The following SMARCD3 variants were observed in gnomAD, a reference collection of about 807,000 sequenced individuals.
SMARCD3 encodes the protein SWI/SNF related BAF chromatin remodeling complex subunit D3, also known as SWI/SNF-related matrix-associated actin-dependent regulator of chromatin subfamily D member 3.
SMARCD3 carries 14 observed loss-of-function variants against 58.0 expected under a neutral mutation model. That is an observed-to-expected ratio of 0.24 (90% CI 0.16 to 0.38). The LOEUF is 0.38. SMARCD3 is among the 10% of genes least tolerant of loss of function. The pLI, the probability that SMARCD3 is intolerant of heterozygous loss-of-function variation, is 1.00. For synonymous variants in SMARCD3, 253 were observed against 253.8 expected, an observed-to-expected ratio of 1.00 and a Z score of 0.03; for missense variants, 408 against 636.9, an observed-to-expected ratio of 0.64 and a Z score of 3.87.
intron 2 of SMARCD3, among the ~76,000 whole-genome samples, chr7:151,255,627 A>G (rs990678966): frequency 2.0e-5 from 3 of 152,058 alleles, no homozygotes; most frequent in African/African-American, 7.2e-5. Context: ...CTCTTAGATC[A>G]CTGCAGCAAC....
chr7:151,240,671 G>C (rs1802937590), intron 8 of SMARCD3, 149 bp from the exon 9 acceptor site: 1 of 621,818 alleles, frequency 1.6e-6, no homozygotes, highest in African/African-American at 1.9e-5. Flanking sequence ...GGGTGGGCTG[G>C]TCTGGTGGTG....
chr7:151,248,637 C>G lies in SMARCD3; in HGVS notation c.-75G>C. On this transcript the variant is annotated 5_prime_UTR_variant, in exon 1 of 13. Transcript: ENST00000262188. This position sits in a 1 kb window ranked among gnomAD's most constrained non-coding sequence, Gnocchi z 6.1. ...TTTCCCTTTTCTGCCTTTTTTTTTC[C>G]TCCAACTCTCCCCTCTGAGTCCTGC... 1 of 1,597,460 alleles carries G rather than the reference C, an allele frequency of 6.3e-7. No individual in the cohort carries two copies. The highest frequency in any genetic ancestry group is 8.5e-7 in the Non-Finnish European group (1 of 1,170,292).
chr7:151,248,411 G>T lies in SMARCD3; in HGVS notation c.78+74C>A. ...GTGGGAGAGCGGGAGCGCCCTCCCG[G>T]CCCCTCCCGATCAGCCCTCCATTCA... On this transcript the variant is annotated intron_variant, in intron 1 of 12. Coordinates refer to ENST00000262188, the MANE Select transcript of SMARCD3 (RefSeq NM_001003801.2). This position sits in a 1 kb window ranked among gnomAD's most constrained non-coding sequence, Gnocchi z 6.1. The T allele has an allele frequency of 7.6e-7, 1 of 1,312,224 alleles. No homozygotes were observed. The highest frequency in any genetic ancestry group is 1.1e-6 in the Non-Finnish European group (1 of 916,632). The allele number at this position is 1,312,224 out of a possible 1,614,324, so 81.3% of individuals were successfully genotyped here.
At chr7:151,252,454 A>C (rs1584881579), upstream of SMARCD3, among the ~76,000 whole-genome samples, 1 of 150,672 alleles carries the variant, frequency 6.6e-6, no homozygotes, top group Non-Finnish European at 1.5e-5. Flanking sequence ...AGAGAGAGAG[A>C]GCGAGAGAAC....
At chr7:151,244,530 C>G (rs1198716162) in intron 2 of SMARCD3, among the ~76,000 whole-genome samples, 4 of 152,154 alleles carry the variant, frequency 2.6e-5, no homozygotes, top group African/African-American at 9.7e-5. Flanking sequence ...ATGCAGAAAT[C>G]TAAGGCTAAC....
upstream of SMARCD3, chr7:151,249,354 A>C (rs1012951545): frequency 6.6e-6 from 1 of 152,218 alleles, no homozygotes; most frequent in African/African-American, 2.4e-5. The surrounding 1 kb of genome is among the most constrained non-coding windows in gnomAD (Gnocchi z 4.8). Context: ...GCGTGCAGAC[A>C]GACGCCCTGT....
chr7:151,246,694 C>G lies in SMARCD3; in HGVS notation c.79-1023G>C, dbSNP rs561197686. Among the ~76,000 whole-genome samples, 1 of 152,288 alleles carries G rather than the reference C, an allele frequency of 6.6e-6. No homozygotes were observed. The highest frequency in any genetic ancestry group is 2.1e-4 in the South Asian group (1 of 4,834). ...CGGCTCCTCCTCCCTTGCCACTACC[C>G]CTGGGTGGTCAGATGGGGTGTAAAT... is the stretch of plus-strand genomic sequence containing the variant. On this transcript the variant is annotated intron_variant, in intron 1 of 12. Transcript: ENST00000262188. The surrounding 1 kb of genome is among the most constrained non-coding windows in gnomAD (Gnocchi z 4.4).
At chr7:151,240,065 TCATCTCTGGGTTAATGTCCCACTC>T (rs1240111154) in intron 10 of SMARCD3, 23 bp downstream of exon 10, 1 of 1,601,140 alleles carries the variant, frequency 6.2e-7, no homozygotes, top group East Asian at 2.3e-5. Context: ...GTCTCCTCTA[TCATCTCTGGGTTAATGTCCCACTC>T]CAGCTCTGGG....
At chr7:151,266,337 C>T (rs1255414759) in intron 2 of SMARCD3, among the ~76,000 whole-genome samples, 2 of 151,908 alleles carry the variant, frequency 1.3e-5, no homozygotes, top group Non-Finnish European at 2.9e-5. Context: ...GTCTTTTTGT[C>T]TCAAGAATGG....
intron 2 of SMARCD3, among the ~76,000 whole-genome samples, chr7:151,268,266 A>ATTC (rs1795058146): frequency 6.6e-6 from 1 of 152,248 alleles, no homozygotes; most frequent in Non-Finnish European, 1.5e-5. Context: ...CTCTTAAAAA[A>ATTC]TGAGAAATTT....
Position 151,239,028 on chromosome 7 carries a change from T to G in SMARCD3, c.*75A>C. 2 of 1,433,066 alleles carry G rather than the reference T, an allele frequency of 1.4e-6. No individual in the cohort carries two copies. Among genetic ancestry groups the G allele is most frequent in the East Asian group, 4.5e-5 (2 of 43,980 alleles). 88.8% of individuals were successfully genotyped at this position (1,433,066 alleles called of 1,614,324 possible). A position where few individuals can be genotyped will look rare whatever the true frequency, so the allele number is the denominator to read the frequency against. ...ACACCCCAAGGTGGCAGAGGAGTGA[T>G]GCTGGAGCCCGGGGCAAAATGCTGG... is the stretch of plus-strand genomic sequence containing the variant. On this transcript the variant is annotated 3_prime_UTR_variant, in exon 13 of 13. Coordinates refer to ENST00000262188, the MANE Select transcript of SMARCD3 (RefSeq NM_001003801.2). This position sits in a 1 kb window ranked among gnomAD's most constrained non-coding sequence, Gnocchi z 7.0.
chr7:151,263,639 T>C lies in SMARCD3; in HGVS notation c.39+11475A>G, dbSNP rs187199816. Among the ~76,000 whole-genome samples the C allele has an allele frequency of 4.4e-3, 676 of 152,288 alleles. 16 individuals are homozygous for C. Among genetic ancestry groups the C allele is most frequent in the Non-Finnish European group, 9.0e-4 (61 of 68,032 alleles). ...TCCCTTGGCCCTCCTATTTAATCCA[T>C]AGGCAAATTTTATTGGTTTCACCAT... is the stretch of plus-strand genomic sequence containing the variant. On this transcript the variant is annotated intron_variant, in intron 2 of 13. Coordinates refer to the SMARCD3 transcript ENST00000356800.
upstream of SMARCD3, among the ~76,000 whole-genome samples, chr7:151,250,566 C>G (rs1803481059): frequency 6.6e-6 from 1 of 151,686 alleles, no homozygotes; most frequent in Non-Finnish European, 1.5e-5. Flanking sequence ...CCAAATCACA[C>G]CTATTCTTTA....
rs1193715139 is a variant in SMARCD3, at chr7:151,248,437, G to A, written c.78+48C>T. The A allele has an allele frequency of 6.6e-7, 1 of 1,523,378 alleles. No individual in the cohort carries two copies. The highest frequency in any genetic ancestry group is 9.1e-7 in the Non-Finnish European group (1 of 1,101,674). 94.4% of individuals were successfully genotyped at this position (1,523,378 alleles called of 1,614,324 possible). On this transcript the variant is annotated intron_variant, in intron 1 of 12. Coordinates refer to ENST00000262188, the MANE Select transcript of SMARCD3 (RefSeq NM_001003801.2). This position sits in a 1 kb window ranked among gnomAD's most constrained non-coding sequence, Gnocchi z 6.1. The stretch of plus-strand genomic sequence containing the variant: ...CCCCTCCCGATCAGCCCTCCATTCA[G>A]CCCGAGCCAGCTCGCTTGCCCTCCC...
intron 2 of SMARCD3, among the ~76,000 whole-genome samples, chr7:151,266,076 TCTCATGC>T (rs1472467034): frequency 3.4e-4 from 52 of 152,128 alleles, no homozygotes; most frequent in Non-Finnish European, 4.4e-5. Context: ...TTCAAGCGAT[TCTCATGC>T]CTCCGCCTCC....
chr7:151,275,077 C>T, intron 2 of SMARCD3: 1 of 1,595,120 alleles, frequency 6.3e-7, no homozygotes, highest in Non-Finnish European at 8.6e-7. Context: ...GGCCCCAGAG[C>T]TTCTGCTCCT....
chr7:151,269,105 C>T (rs1343983581), intron 2 of SMARCD3, among the ~76,000 whole-genome samples: 2 of 152,160 alleles, frequency 1.3e-5, no homozygotes, highest in African/African-American at 4.8e-5. Context: ...TCTAAAGTGT[C>T]TCAAAGACAG....
intron 2 of SMARCD3, among the ~76,000 whole-genome samples, chr7:151,268,758 C>T (rs904610833): frequency 6.6e-6 from 1 of 151,928 alleles, no homozygotes; most frequent in Non-Finnish European, 1.5e-5. Flanking sequence ...TTAAACCACA[C>T]AAAATTCTCT....
intron 2 of SMARCD3, among the ~76,000 whole-genome samples, chr7:151,273,039 C>T (rs554202529): frequency 4.0e-4 from 61 of 152,334 alleles, no homozygotes; most frequent in African/African-American, 1.3e-3. Context: ...TGAGGACGGA[C>T]GCCTAGGCAC....
Sources: gnomAD v4.1 joint callset for allele counts (sites outside exome capture counted in the v4.1 genomes callset) on GRCh38, gnomAD v4.1.1 for gene constraint, Gnocchi (gnomAD v3.1) non-coding constraint, MANE v1.5 for transcripts, NCBI Gene and HGNC (gene_info 2026-07-23, HGNC 2026-07-21) for gene names.